Variants in KLHL13 observed in about 807,000 individuals in gnomAD.
KLHL13 encodes kelch like family member 13, also known as kelch-like protein 13.
A neutral mutation model predicts 37.1 loss-of-function variants in KLHL13; 10 were observed. That is an observed-to-expected ratio of 0.27 (90% CI 0.17 to 0.46). KLHL13 has a LOEUF of 0.46. Ranked by LOEUF, KLHL13 falls within the 20% of genes least tolerant of loss-of-function variation. The pLI is 1.00. For missense variants in KLHL13, 360 were observed against 509.3 expected, an observed-to-expected ratio of 0.71 and a Z score of 2.82; for synonymous variants, 163 against 181.2, an observed-to-expected ratio of 0.90 and a Z score of 0.81.
intron 1 of KLHL13, among the ~76,000 whole-genome samples, chrX:117,953,084 T>C (rs1226367260): frequency 9.0e-6 from 1 of 110,808 alleles, no homozygotes; most frequent in African/African-American, 3.3e-5. Context: ...TAAATCATGC[T>C]GCTATAAAGA....
intron 1 of KLHL13, among the ~76,000 whole-genome samples, chrX:117,981,034 G>T (rs1188864817): frequency 8.9e-6 from 1 of 111,809 alleles, no homozygotes; most frequent in East Asian, 2.8e-4. Flanking sequence ...TCTCTTTAGC[G>T]ATTTTAAATT....
At chrX:117,979,827 T>TA in intron 1 of KLHL13, among the ~76,000 whole-genome samples, 1 of 111,455 alleles carries the variant, frequency 9.0e-6, no homozygotes, top group East Asian at 2.8e-4. Context: ...AATATTCCAA[T>TA]AAAAAAATCT....
At chrX:118,102,317 A>G (rs959571734) in intron 1 of KLHL13, among the ~76,000 whole-genome samples, 3 of 111,911 alleles carry the variant, frequency 2.7e-5, no homozygotes, top group Non-Finnish European at 5.6e-5. Flanking sequence ...TATAGTAATA[A>G]TTATTTTTGC....
chrX:117,957,448 A>C (rs1285242629), intron 1 of KLHL13, among the ~76,000 whole-genome samples: 1 of 112,021 alleles, frequency 8.9e-6, no homozygotes, highest in Non-Finnish European at 1.9e-5. Flanking sequence ...CAACAGAACA[A>C]ACGAAAATCC....
At chrX:117,922,619 C>T (rs1027225797) in intron 2 of KLHL13, among the ~76,000 whole-genome samples, 1 of 110,946 alleles carries the variant, frequency 9.0e-6, no homozygotes, top group South Asian at 3.9e-4. Flanking sequence ...TTAAAGTGTT[C>T]GTTTGTGTTC....
Position 117,959,547 on chromosome X carries a change from T to C in KLHL13, c.98+13184A>G, listed in dbSNP as rs1431660660. Reference sequence around the variant, plus strand: ...ATTAATTTTAATGCAGTTGAAGAAATGGTATTTTTAAAAGGAAATATAAAT... The same window carrying C: ...ATTAATTTTAATGCAGTTGAAGAAACGGTATTTTTAAAAGGAAATATAAAT... On this transcript the variant is annotated intron_variant, in intron 1 of 6. Coordinates refer to ENST00000262820, the Ensembl canonical transcript of KLHL13. Among the ~76,000 whole-genome samples, 3 of 111,909 alleles carry C rather than the reference T, an allele frequency of 2.7e-5. No homozygotes were observed. The East Asian group carries it at 8.4e-4, about 31-fold the overall frequency.
At chrX:118,075,952 A>T (rs1393666147) in intron 1 of KLHL13, among the ~76,000 whole-genome samples, 1 of 111,565 alleles carries the variant, frequency 9.0e-6, no homozygotes, top group Non-Finnish European at 1.9e-5. Context: ...ACTTCATTAA[A>T]ATAGTTAAGA....
intron 2 of KLHL13, among the ~76,000 whole-genome samples, chrX:117,930,234 A>AAGGGAGGG (rs1569418448): frequency 1.2e-5 from 1 of 81,987 alleles, no homozygotes; most frequent in Non-Finnish European, 2.3e-5. Context: ...GGAAGGAAGG[A>AAGGGAGGG]AGGAAGGGAG....
intron 5 of KLHL13, among the ~76,000 whole-genome samples, chrX:117,902,369 A>C (rs962657832): frequency 5.3e-5 from 6 of 112,242 alleles, no homozygotes; most frequent in African/African-American, 1.6e-4. Flanking sequence ...CATAAGAAGC[A>C]AACTTTTACA....
At chrX:117,958,808 T>C (rs2053243933) in intron 1 of KLHL13, among the ~76,000 whole-genome samples, 1 of 111,861 alleles carries the variant, frequency 8.9e-6, no homozygotes, top group African/African-American at 3.2e-5. Flanking sequence ...TCATGTTGTA[T>C]AATTCATAGA....
At chrX:118,021,720 C>T (rs991796781) in intron 1 of KLHL13, among the ~76,000 whole-genome samples, 2 of 110,591 alleles carry the variant, frequency 1.8e-5, no homozygotes, top group Non-Finnish European at 3.8e-5. Context: ...GTCTTTATAG[C>T]AGCATGATTT....
intron 4 of KLHL13, among the ~76,000 whole-genome samples, 188 bp downstream of exon 5, chrX:117,919,333 G>A (rs1024293746): frequency 1.8e-5 from 2 of 112,188 alleles, no homozygotes; most frequent in African/African-American, 6.5e-5. Flanking sequence ...CAACACAGAG[G>A]CTTTTATTAA....
chrX:117,985,128 C>A (rs1266931681), intron 1 of KLHL13: 9 of 477,652 alleles, frequency 1.9e-5, no homozygotes, highest in Non-Finnish European at 2.3e-5. Context: ...TTCTACAATA[C>A]ATCTAAAATT....
intron 1 of KLHL13, among the ~76,000 whole-genome samples, chrX:118,030,976 C>G (rs769433178): frequency 8.9e-6 from 1 of 111,803 alleles, no homozygotes; most frequent in African/African-American, 3.3e-5. Flanking sequence ...ATTTCTGAGT[C>G]TGGGATATTC....
chrX:118,001,405 T>C (rs1476203449), intron 1 of KLHL13, among the ~76,000 whole-genome samples: 1 of 112,249 alleles, frequency 8.9e-6, no homozygotes, highest in Non-Finnish European at 1.9e-5. Context: ...TTCATTGTTT[T>C]CTCCTTGAAC....
At chrX:117,949,407 C>G (rs772346508) in intron 1 of KLHL13, among the ~76,000 whole-genome samples, 3 of 111,623 alleles carry the variant, frequency 2.7e-5, no homozygotes, top group Admixed American at 9.5e-5. Context: ...CAAGAGTGCT[C>G]TGCTGATCTG....
intron 1 of KLHL13, among the ~76,000 whole-genome samples, chrX:118,055,964 G>A (rs1363470240): frequency 9.0e-6 from 1 of 110,792 alleles, no homozygotes; most frequent in African/African-American, 3.3e-5. Context: ...AAAACTCAGG[G>A]AAATAATTTT....
intron 1 of KLHL13, among the ~76,000 whole-genome samples, chrX:118,031,966 G>A (rs6646037): frequency 0.16 from 17,129 of 109,908 alleles, 1,805 homozygotes; most frequent in African/African-American, 0.38. Flanking sequence ...TTCCTAGTCA[G>A]AGAAAGGGGT....
intron 1 of KLHL13, among the ~76,000 whole-genome samples, chrX:118,068,955 G>A (rs1174429692): frequency 2.7e-5 from 3 of 110,504 alleles, no homozygotes; most frequent in African/African-American, 9.9e-5. Flanking sequence ...GTCCCTCCTG[G>A]GGAACCCATA....
Sources: gnomAD v4.1 joint callset for allele counts (sites outside exome capture counted in the v4.1 genomes callset) on GRCh38, gnomAD v4.1.1 for gene constraint, MANE v1.5 for transcripts, NCBI Gene and HGNC (gene_info 2026-07-23, HGNC 2026-07-21) for gene names.